Variants in LARP4B observed in about 807,000 individuals in gnomAD.
LARP4B encodes the protein la-related protein 4B.
A neutral mutation model predicts 89.8 loss-of-function variants in LARP4B; 12 were observed. The observed-to-expected ratio is 0.13, with a 90% CI of 0.09 to 0.22. The LOEUF (loss-of-function observed/expected upper bound fraction) is 0.22, where lower values mean the gene tolerates loss of function less well. Among genes scored for constraint, LARP4B ranks in the 10% least tolerant of loss-of-function variants. The pLI is 1.00. For missense variants in LARP4B, 757 were observed against 947.7 expected (o/e 0.80, Z 2.64); for synonymous variants, 367 against 363.3 (o/e 1.01, Z -0.12).
chr10:942,512 C>A, the LARP4B span: 1 of 152,208 alleles, frequency 6.6e-6, no homozygotes, highest in Non-Finnish European at 1.5e-5. Context: ...AACCTCTGTC[C>A]TGGAAGTCGG....
chr10:976,382 T>C, the LARP4B span, among the ~76,000 whole-genome samples: 3 of 139,396 alleles, frequency 2.2e-5, no homozygotes, highest in East Asian at 4.5e-4. Flanking sequence ...CTTAGTAGAA[T>C]GTAGGCCTAT....
the LARP4B span, chr10:985,993 G>A: frequency 6.6e-6 from 1 of 152,168 alleles, no homozygotes. Flanking sequence ...AGTTCCTGTG[G>A]GGATCCAGGG....
the LARP4B span, among the ~76,000 whole-genome samples, chr10:955,399 C>G: frequency 6.6e-6 from 1 of 152,236 alleles, no homozygotes; most frequent in Non-Finnish European, 1.5e-5. The surrounding 1 kb of genome is among the most constrained non-coding windows in gnomAD (Gnocchi z 5.2). Flanking sequence ...GGTCGTTCTT[C>G]CTTGTCCCTA....
intron 7 of LARP4B, 72 bp from the exon 8 acceptor site, chr10:836,578 TTATATTAC>T: frequency 1.0e-6 from 1 of 955,312 alleles, no homozygotes; most frequent in South Asian, 1.4e-5. Context: ...ATGTGTTACA[TTATATTAC>T]TATATTACTA....
At chr10:931,970 C>G (rs891875036), upstream of LARP4B, among the ~76,000 whole-genome samples, 1 of 138,168 alleles carries the variant, frequency 7.2e-6, no homozygotes, top group African/African-American at 2.5e-5. Context: ...GCCGCACGTC[C>G]GCCCCGCCCG....
chr10:842,448 G>A (rs1459049078), intron 7 of LARP4B, among the ~76,000 whole-genome samples: 1 of 151,766 alleles, frequency 6.6e-6, no homozygotes, highest in East Asian at 1.9e-4. Flanking sequence ...CGCCCAACTC[G>A]ACCTCCAAAA....
At chr10:815,268 G>A (rs930781128) in intron 15 of LARP4B, 198 bp from the exon 16 acceptor site, 10 of 438,730 alleles carry the variant, frequency 2.3e-5, no homozygotes, top group Middle Eastern at 5.7e-4. Flanking sequence ...TCTCTTTCTC[G>A]GCAAATGCCC....
At chr10:843,594 G>A (rs1833634508) in intron 6 of LARP4B, among the ~76,000 whole-genome samples, 1 of 152,036 alleles carries the variant, frequency 6.6e-6, no homozygotes, top group South Asian at 2.1e-4. Context: ...AGCTACTCGG[G>A]AGGCTCAGGC....
At chr10:870,064 C>T (rs1338634127) in intron 3 of LARP4B, 13 of 985,204 alleles carry the variant, frequency 1.3e-5, no homozygotes, top group South Asian at 4.7e-5. Flanking sequence ...CCTCTGACAC[C>T]GGTAGCTGAG....
the LARP4B span, among the ~76,000 whole-genome samples, chr10:946,452 G>A: frequency 5.3e-5 from 8 of 152,228 alleles, no homozygotes; most frequent in African/African-American, 1.9e-4. Flanking sequence ...CCAAAAGGAT[G>A]TAGAAAGGTA....
chr10:873,604 A>G (rs182681819), intron 3 of LARP4B, among the ~76,000 whole-genome samples: 1 of 152,324 alleles, frequency 6.6e-6, no homozygotes, highest in Non-Finnish European at 1.5e-5. Context: ...GTTCCGTAAA[A>G]TATATAGCTA....
intron 5 of LARP4B, among the ~76,000 whole-genome samples, chr10:859,387 TG>T: frequency 6.6e-6 from 1 of 151,808 alleles, no homozygotes; most frequent in Middle Eastern, 3.2e-3. Context: ...TATGGAAAAC[TG>T]TATGGTGATT....
intron 1 of LARP4B, among the ~76,000 whole-genome samples, chr10:919,895 C>G (rs565169735): frequency 6.6e-6 from 1 of 152,188 alleles, no homozygotes. Flanking sequence ...TCTGATTACA[C>G]GATACAAACC....
intron 1 of LARP4B, among the ~76,000 whole-genome samples, chr10:897,761 G>A (rs755733084): frequency 1.7e-4 from 26 of 152,060 alleles, no homozygotes; most frequent in Non-Finnish European, 3.5e-4. Context: ...GCCGAAGCAG[G>A]CAGATTATTT....
chr10:825,381 A>G lies in LARP4B; in HGVS notation c.1233-65T>C, dbSNP rs1247568526. ...GATCAAGGCATTACATAACATGCAT[A>G]CTGACATGGAATAGCTAAGCTGAAA... On this transcript the variant is annotated intron_variant, in intron 12 of 17. Transcript: ENST00000316157. 7.3e-6 allele frequency: 11 copies of G among 1,500,822 alleles called. No individual in the cohort carries two copies. The East Asian group carries it at 2.5e-4, about 34-fold the overall frequency. 93.0% of individuals were successfully genotyped at this position (1,500,822 alleles called of 1,614,324 possible).
intron 15 of LARP4B, among the ~76,000 whole-genome samples, chr10:817,524 C>T (rs1832125904): frequency 1.3e-5 from 2 of 152,186 alleles, no homozygotes; most frequent in African/African-American, 2.4e-5. Context: ...CTTCATCAGA[C>T]AGCAATGTTA....
rs138538106 is a variant in LARP4B at position 813,147 on chromosome 10, A to T, written c.1996T>A (p.Leu666Met). The T allele has an allele frequency of 6.2e-7, 1 of 1,614,006 alleles. No individual in the cohort carries two copies. The highest frequency in any genetic ancestry group is 2.2e-5 in the East Asian group (1 of 44,868). Residue 666 changes from leucine (L) to methionine (M), a missense_variant, in exon 18 of 18, where the codon TTG (leucine) becomes ATG (methionine). Physicochemically the swap from Leu to Met is conservative, Grantham distance 15. Coordinates refer to ENST00000316157, the MANE Select transcript of LARP4B (RefSeq NM_015155.3). ...GGCTTTTGTTCTTTTTGGGGTTGCA[A>T]TGGGGAAGAAGGAGGCTCTTTACTC... The part of the protein sequence containing the change: ...RTSKEPPSSP[L>M]QPQKEQKPNT...
At chr10:942,430 A>G in the LARP4B span, 1 of 152,190 alleles carries the variant, frequency 6.6e-6, no homozygotes, top group African/African-American at 2.4e-5. Context: ...TTTCCCTAAA[A>G]TAATTTATTT....
chr10:969,113 G>A, the LARP4B span, among the ~76,000 whole-genome samples: 1 of 152,166 alleles, frequency 6.6e-6, no homozygotes, highest in Non-Finnish European at 1.5e-5. Context: ...GAGGAATAGT[G>A]GAAGGAAATG....
Sources: gnomAD v4.1 joint callset for allele counts (sites outside exome capture counted in the v4.1 genomes callset) on GRCh38, gnomAD v4.1.1 for gene constraint, Gnocchi (gnomAD v3.1) non-coding constraint, MANE v1.5 for transcripts, NCBI Gene and HGNC (gene_info 2026-07-23, HGNC 2026-07-21) for gene names.